Variants in MAGI1 observed in about 807,000 individuals in gnomAD.
MAGI1 encodes membrane associated guanylate kinase, WW and PDZ domain containing 1, also known as membrane-associated guanylate kinase, WW and PDZ domain-containing protein 1.
MAGI1 carries 58 observed loss-of-function variants against 139.9 expected under a neutral mutation model. That is an observed-to-expected ratio of 0.41 (90% CI 0.34 to 0.52). The LOEUF is 0.52. MAGI1 is among the 20% of genes least tolerant of loss of function. The pLI is 0.12. For synonymous variants in MAGI1, 812 were observed against 737.9 expected, an observed-to-expected ratio of 1.10 and a Z score of -1.63; for missense variants, 1,874 against 1,901.6, an observed-to-expected ratio of 0.99 and a Z score of 0.27.
rs1484318096 is a variant in MAGI1, at chr3:65,808,545, G to A, written c.314-186457C>T. Among the ~76,000 whole-genome samples, 3 of 152,076 alleles carry A rather than the reference G, an allele frequency of 2.0e-5. No homozygotes were observed. In the South Asian group the frequency reaches 6.2e-4, roughly 31 times the overall value. On this transcript the variant is annotated intron_variant, in intron 1 of 22. Transcript: ENST00000402939. Reference sequence around the variant, plus strand: ...AAAGTAAATAAATAAAATGAAACTGGTCTGACTGCTGAGCCTCATTTACTT... The same window carrying A: ...AAAGTAAATAAATAAAATGAAACTGATCTGACTGCTGAGCCTCATTTACTT...
intron 1 of MAGI1, among the ~76,000 whole-genome samples, chr3:65,726,105 A>G (rs1288861707): frequency 1.3e-5 from 2 of 152,330 alleles, no homozygotes; most frequent in Non-Finnish European, 1.5e-5. Context: ...TTGAGATTAA[A>G]TGAATTACTG....
intron 1 of MAGI1, chr3:66,003,912 T>C (rs1327313236): frequency 2.6e-5 from 4 of 152,172 alleles, no homozygotes; most frequent in African/African-American, 4.8e-5. Flanking sequence ...GACCAACCAG[T>C]TGTAAACACC....
At chr3:65,747,301 C>T (rs1269653492) in intron 1 of MAGI1, among the ~76,000 whole-genome samples, 2 of 152,120 alleles carry the variant, frequency 1.3e-5, no homozygotes, top group East Asian at 1.9e-4. Context: ...ATGCCCTTTT[C>T]ACTCTCATCT....
At chr3:65,794,837 T>A (rs558146878) in intron 1 of MAGI1, among the ~76,000 whole-genome samples, 1 of 120,100 alleles carries the variant, frequency 8.3e-6, no homozygotes, top group Non-Finnish European at 1.7e-5. Flanking sequence ...AAACAAACCC[T>A]CATCAGGAAA....
intron 1 of MAGI1, among the ~76,000 whole-genome samples, chr3:65,622,597 T>C (rs571077967): frequency 6.6e-6 from 1 of 152,256 alleles, no homozygotes; most frequent in South Asian, 2.1e-4. Flanking sequence ...GGAGTCTTAT[T>C]CTGTCACCCA....
chr3:65,519,403 T>C (rs1360635414), intron 2 of MAGI1, among the ~76,000 whole-genome samples: 4 of 151,210 alleles, frequency 2.6e-5, no homozygotes, highest in African/African-American at 9.7e-5. Context: ...TAATTTTTTT[T>C]TGGATGGAGT....
chr3:65,825,080 T>C lies in MAGI1; in HGVS notation c.314-202992A>G, dbSNP rs532683768. On this transcript the variant is annotated intron_variant, in intron 1 of 22. Transcript: ENST00000402939. ...TTCAAAAGCGCAGACACAGAAAATGTATGAAGCGCTCTTAGAAAGCATATT... is the reference window on the plus strand; with the variant it reads ...TTCAAAAGCGCAGACACAGAAAATGCATGAAGCGCTCTTAGAAAGCATATT... 2.6e-5 allele frequency among the ~76,000 whole-genome samples: 4 copies of C among 152,338 alleles called. No homozygotes were observed. The East Asian group carries it at 7.7e-4, about 29-fold the overall frequency.
intron 21 of MAGI1, among the ~76,000 whole-genome samples, chr3:65,362,914 T>C (rs566360759): frequency 5.3e-5 from 8 of 152,226 alleles, no homozygotes; most frequent in Non-Finnish European, 8.8e-5. Context: ...TTGGCATTTA[T>C]GTATTAAAAA....
chr3:65,571,482 C>G (rs1253349880), intron 2 of MAGI1, among the ~76,000 whole-genome samples: 2 of 151,988 alleles, frequency 1.3e-5, no homozygotes, highest in African/African-American at 4.8e-5. Flanking sequence ...TTTCAGAAGA[C>G]TAACAAGTCT....
chr3:65,823,852 A>G (rs1238924512), intron 1 of MAGI1, among the ~76,000 whole-genome samples: 1 of 152,208 alleles, frequency 6.6e-6, no homozygotes, highest in Non-Finnish European at 1.5e-5. Flanking sequence ...CGATGGACAC[A>G]CACCTCCTTC....
At chr3:65,747,506 T>C (rs1170947364) in intron 1 of MAGI1, among the ~76,000 whole-genome samples, 2 of 138,284 alleles carry the variant, frequency 1.4e-5, no homozygotes, top group African/African-American at 4.9e-5. Flanking sequence ...AGGGATATTA[T>C]TGTAATTTTT....
At chr3:65,552,617 A>T (rs1398363430) in intron 2 of MAGI1, among the ~76,000 whole-genome samples, 1 of 152,074 alleles carries the variant, frequency 6.6e-6, no homozygotes, top group Non-Finnish European at 1.5e-5. Flanking sequence ...TGGTGATGTC[A>T]CCATTCTTTT....
intron 1 of MAGI1, among the ~76,000 whole-genome samples, chr3:65,943,639 T>C (rs900233110): frequency 2.7e-5 from 4 of 150,368 alleles, no homozygotes; most frequent in South Asian, 4.2e-4. Flanking sequence ...GTGTGTGTGA[T>C]TGTGTGTGTG....
intron 1 of MAGI1, among the ~76,000 whole-genome samples, chr3:65,753,039 T>C (rs985032737): frequency 6.6e-6 from 1 of 152,178 alleles, no homozygotes; most frequent in African/African-American, 2.4e-5. Context: ...CCTGACCATT[T>C]TGACAAGTGT....
chr3:66,014,806 A>C (rs938021384), intron 1 of MAGI1, among the ~76,000 whole-genome samples: 1 of 152,172 alleles, frequency 6.6e-6, no homozygotes, highest in South Asian at 2.1e-4. Context: ...ATGTTAACTT[A>C]AGACACTCTG....
chr3:65,506,632 C>T (rs1412961727), intron 2 of MAGI1, among the ~76,000 whole-genome samples: 1 of 152,130 alleles, frequency 6.6e-6, no homozygotes, highest in Non-Finnish European at 1.5e-5. Context: ...TACCCTCATT[C>T]TAGTCATTAG....
At chr3:65,652,088 T>C (rs1260306297) in intron 1 of MAGI1, among the ~76,000 whole-genome samples, 1 of 152,078 alleles carries the variant, frequency 6.6e-6, no homozygotes, top group Non-Finnish European at 1.5e-5. Flanking sequence ...GAAAACCAAA[T>C]GAGAAATGGT....
intron 1 of MAGI1, among the ~76,000 whole-genome samples, chr3:65,760,316 G>A (rs1314525240): frequency 6.6e-6 from 1 of 151,562 alleles, no homozygotes; most frequent in Non-Finnish European, 1.5e-5. Context: ...CTTTTTAAAA[G>A]GAAGAAACTG....
At chr3:65,568,199 T>C (rs969179268) in intron 2 of MAGI1, among the ~76,000 whole-genome samples, 1 of 152,210 alleles carries the variant, frequency 6.6e-6, no homozygotes, top group African/African-American at 2.4e-5. Context: ...GGCAAGGCAC[T>C]TGTTGATAGT....
Sources: allele counts gnomAD v4.1 joint callset (sites outside exome capture counted in the v4.1 genomes callset), GRCh38; gene constraint gnomAD v4.1.1; transcripts MANE v1.5; gene names NCBI Gene and HGNC (gene_info 2026-07-23, HGNC 2026-07-21).